The following ZNF808 variants were observed in gnomAD, a reference collection of about 807,000 sequenced individuals.
The protein encoded by ZNF808 is zinc finger protein 808.
In ZNF808, 5 loss-of-function variants were observed where a neutral mutation model predicts 8.7. The observed-to-expected ratio is 0.58, with a 90% CI of 0.30 to 1.21. The LOEUF (loss-of-function observed/expected upper bound fraction) is 1.21. Ranked by LOEUF, ZNF808 falls within the 50% of genes most tolerant of loss-of-function variation. The pLI, the probability that ZNF808 is intolerant of heterozygous loss-of-function variation, is 0.07. For missense variants in ZNF808, 1,103 were observed against 1,098.4 expected (o/e 1.00, Z -0.06); for synonymous variants, 380 against 366.0 (o/e 1.04, Z -0.44).
At chr19:52,534,290 C>G (rs1464435489) in intron 2 of ZNF808, among the ~76,000 whole-genome samples, 1 of 152,176 alleles carries the variant, frequency 6.6e-6, no homozygotes, top group African/African-American at 2.4e-5. Context: ...ACCTCCATTA[C>G]CAAGTAGAGC....
chr19:52,548,706 T>C lies in ZNF808; in HGVS notation c.190+1068T>C, dbSNP rs143493513. The stretch of plus-strand genomic sequence containing the variant: ...TCCCAAAGTGCTGGGATTACAGGCA[T>C]GAGCCACAGCCCCTGGCCCATCCGA... On this transcript the variant is annotated intron_variant, in intron 4 of 4. Transcript: ENST00000359798. Among the ~76,000 whole-genome samples, 825 of 152,288 alleles carry C rather than the reference T, an allele frequency of 5.4e-3. 8 individuals are homozygous for C. Among genetic ancestry groups the C allele is most frequent in the African/African-American group, 0.019 (790 of 41,576 alleles).
Position 52,553,927 on chromosome 19 carries a change from T to C in ZNF808, c.1011T>C (p.His337=). The change falls in exon 5 of 5, where the codon CAT becomes CAC. Residue 337 remains histidine (H), a synonymous_variant. Coordinates refer to ENST00000359798, the MANE Select transcript of ZNF808 (RefSeq NM_001039886.4). The part of the protein sequence containing the change: ...NSALVIHKAI[H]TGEKPYKCNE... Reference sequence around the variant, plus strand: ...CCCTTGTAATTCATAAGGCAATTCATACTGGAGAGAAACCTTACAAGTGTA... The same window carrying C: ...CCCTTGTAATTCATAAGGCAATTCACACTGGAGAGAAACCTTACAAGTGTA... 1.2e-6 allele frequency: 2 copies of C among 1,614,148 alleles called. No homozygotes were observed. Among genetic ancestry groups the C allele is most frequent in the African/African-American group, 1.3e-5 (1 of 75,042 alleles).
intron 3 of ZNF808, 80 bp downstream of exon 3, chr19:52,543,427 G>C (rs1352269993): frequency 6.5e-7 from 1 of 1,532,724 alleles, no homozygotes; most frequent in Non-Finnish European, 8.8e-7. Flanking sequence ...TTGTAGTAAT[G>C]TATTGTAGCA....
intron 4 of ZNF808, among the ~76,000 whole-genome samples, chr19:52,548,190 A>G (rs1183140967): frequency 6.6e-6 from 1 of 152,136 alleles, no homozygotes; most frequent in Non-Finnish European, 1.5e-5. Flanking sequence ...ACAGCCTCAT[A>G]TGTATGAGGC....
intron 2 of ZNF808, among the ~76,000 whole-genome samples, chr19:52,533,741 A>G (rs1194699287): frequency 6.7e-6 from 1 of 149,446 alleles, no homozygotes; most frequent in Non-Finnish European, 1.5e-5. Flanking sequence ...CTGTAGTCCC[A>G]GCTACTCAGG....
intron 2 of ZNF808, among the ~76,000 whole-genome samples, chr19:52,542,748 G>A (rs1428406984): frequency 1.3e-5 from 2 of 152,114 alleles, no homozygotes; most frequent in Admixed American, 6.6e-5. Flanking sequence ...AGGAAGACTT[G>A]AAGCAGGGAG....
rs1197576866 is a variant in ZNF808, at chr19:52,528,694, G to A, written c.-122+983G>A. ...CAGAGCAGAGTGGTGCTGGTGTCAA[G>A]GAGAACCGAGGGAGAAACACAGCAG... On this transcript the variant is annotated intron_variant, in intron 1 of 4. Coordinates refer to ENST00000359798, the MANE Select transcript of ZNF808 (RefSeq NM_001039886.4). Among the ~76,000 whole-genome samples the A allele has an allele frequency of 2.6e-5, 4 of 152,020 alleles. No individual in the cohort carries two copies. In the East Asian group the frequency reaches 7.7e-4, roughly 29 times the overall value.
intron 1 of ZNF808, among the ~76,000 whole-genome samples, chr19:52,532,043 ATTTGC>A (rs1048855455): frequency 5.3e-5 from 8 of 152,016 alleles, no homozygotes; most frequent in African/African-American, 1.7e-4. Flanking sequence ...TGTACTTATT[ATTTGC>A]TTGCTGGTTT....
rs2059595477 is a variant in ZNF808 at position 52,535,322 on chromosome 19, C to T, written c.-20+2313C>T. Among the ~76,000 whole-genome samples, 8 of 115,580 alleles carry T rather than the reference C, an allele frequency of 6.9e-5. No homozygotes were observed. In the Admixed American group the frequency reaches 8.7e-4, roughly 13 times the overall value. 75.8% of individuals were successfully genotyped at this position (115,580 alleles called of 152,430 possible). On this transcript the variant is annotated intron_variant, in intron 2 of 4. Transcript: ENST00000359798. ...CTCCAGCCTGGGTGACAGAGCGAGA[C>T]TCCGTCTCAAAAAAAAAAAAAAAAA...
intron 2 of ZNF808, among the ~76,000 whole-genome samples, chr19:52,535,719 C>T (rs1336906428): frequency 2.6e-5 from 4 of 152,194 alleles, no homozygotes; most frequent in African/African-American, 4.8e-5. Context: ...TATTCCGCCC[C>T]GGCAGGGCTT....
chr19:52,566,808 TAAGAA>T (rs769344236), downstream of ZNF808, among the ~76,000 whole-genome samples: 33 of 152,274 alleles, frequency 2.2e-4, no homozygotes, highest in Non-Finnish European at 3.5e-4. Flanking sequence ...TGTTTACAGT[TAAGAA>T]AAGCAGCTTA....
chr19:52,554,792 C>T lies in ZNF808; in HGVS notation c.1876C>T (p.Gln626Ter). Residue 626 changes from glutamine to a stop codon, truncating the protein, a stop_gained, in exon 5 of 5, where the codon CAG becomes TAG. Transcript: ENST00000359798. LOFTEE classifies it low-confidence loss of function (END_TRUNC). ...IHTGEKPYRCQVCDTAFTWNS... is the reference protein window; with the variant it reads ...IHTGEKPYRC ...TACTGGAGAGAAACCATACAGATGT[C>T]AGGTTTGTGACACAGCTTTCACGTG... The T allele has an allele frequency of 6.2e-7, 1 of 1,611,138 alleles. No individual in the cohort carries two copies. The highest frequency in any genetic ancestry group is 2.2e-5 in the East Asian group (1 of 44,618).
chr19:52,543,260 A>T lies in ZNF808; in HGVS notation c.-19-6A>T. 6.2e-7 allele frequency: 1 copy of T among 1,611,148 alleles called. No individual in the cohort carries two copies. Among genetic ancestry groups the T allele is most frequent in the Non-Finnish European group, 8.5e-7 (1 of 1,178,884 alleles). On this transcript the variant is annotated splice_polypyrimidine_tract_variant and splice_region_variant and intron_variant, in intron 2 of 4. Coordinates refer to ENST00000359798, the MANE Select transcript of ZNF808 (RefSeq NM_001039886.4). ...AACATGAAGTCTTATTTTTTTTCAC[A>T]TACAGGATTGATTTCTAAAGACTCA...
chr19:52,543,791 T>G (rs980123286), intron 3 of ZNF808, among the ~76,000 whole-genome samples: 1 of 152,166 alleles, frequency 6.6e-6, no homozygotes, highest in Non-Finnish European at 1.5e-5. Context: ...TTGTATCTGA[T>G]TTGGTAATGC....
At chr19:52,556,529 T>C (rs924016108), downstream of ZNF808, 8 of 152,108 alleles carry the variant, frequency 5.3e-5, no homozygotes, top group African/African-American at 1.9e-4. Context: ...GGTTTCTCCA[T>C]ATTAGGCTGG....
downstream of ZNF808, among the ~76,000 whole-genome samples, chr19:52,567,367 G>A (rs552413703): frequency 1.3e-5 from 2 of 150,992 alleles, no homozygotes; most frequent in South Asian, 2.1e-4. Context: ...TTAAGAGAAG[G>A]CAGTTCCCTT....
At chr19:52,566,957 G>T (rs368301536), downstream of ZNF808, among the ~76,000 whole-genome samples, 11 of 145,790 alleles carry the variant, frequency 7.5e-5, no homozygotes, top group East Asian at 2.0e-4. Context: ...AAGGATAGGT[G>T]TTTTTTTTTT....
chr19:52,546,231 A>C (rs1261461858), intron 3 of ZNF808, among the ~76,000 whole-genome samples: 2 of 145,202 alleles, frequency 1.4e-5, no homozygotes, highest in East Asian at 2.1e-4. Flanking sequence ...TTTGTCACCC[A>C]GGCTGAAGTG....
exon 4 of ZNF808, chr19:52,563,770 A>G (rs2059865111): frequency 1.2e-5 from 2 of 165,556 alleles, no homozygotes; most frequent in South Asian, 1.5e-4. Context: ...AACAGCAAAC[A>G]GGAGAAACAA....
Sources: gnomAD v4.1 joint callset for allele counts (sites outside exome capture counted in the v4.1 genomes callset) on GRCh38, gnomAD v4.1.1 for gene constraint, MANE v1.5 for transcripts, NCBI Gene and HGNC (gene_info 2026-07-23, HGNC 2026-07-21) for gene names.